CTCFL: variants seen among roughly 807,000 people sequenced by gnomAD.
The protein encoded by CTCFL is transcriptional repressor CTCFL.
A neutral mutation model predicts 67.4 loss-of-function variants in CTCFL; 36 were observed. The ratio of observed to expected loss-of-function variants is 0.53; its 90% CI spans 0.41 to 0.71. The LOEUF (loss-of-function observed/expected upper bound fraction) is 0.71. CTCFL is among the 30% of genes least tolerant of loss of function. CTCFL has a pLI of 0.00. For missense variants in CTCFL, 786 were observed against 835.2 expected (o/e 0.94, Z 0.73); for synonymous variants, 324 against 302.3 (o/e 1.07, Z -0.75).
intron 3 of CTCFL, among the ~76,000 whole-genome samples, chr20:57,520,556 A>G (rs2069276552): frequency 6.6e-6 from 1 of 152,232 alleles, no homozygotes; most frequent in African/African-American, 2.4e-5. Flanking sequence ...TTCTCAGTAA[A>G]AAAGAGAGCT....
At chr20:57,500,684 T>C (rs1225205589) in intron 10 of CTCFL, among the ~76,000 whole-genome samples, 2 of 152,188 alleles carry the variant, frequency 1.3e-5, no homozygotes, top group South Asian at 2.1e-4. Flanking sequence ...AAAGTTTGTA[T>C]ATGTACAATT....
In CTCFL at chr20:57,523,939, A is replaced by G; in HGVS notation, c.267T>C (p.Ser89=). 8.1e-6 allele frequency: 13 copies of G among 1,613,116 alleles called. No homozygotes were observed. Among genetic ancestry groups the G allele is most frequent in the Non-Finnish European group, 1.1e-5 (13 of 1,180,018 alleles). Residue 89 remains serine, a synonymous_variant, in exon 2 of 11, where the codon TCT becomes TCC. Transcript: ENST00000243914. ...ILTLQTVHFT[S]EAVELQDMSL... ...TCATATCCTGCAACTCCACAGCTTC[A>G]GAAGTGAAGTGCACCGTCTGCAGGG...
chr20:57,514,588 T>A lies in CTCFL; in HGVS notation c.1330+4A>T. 6.2e-7 allele frequency: 1 copy of A among 1,614,012 alleles called. No homozygotes were observed. The highest frequency in any genetic ancestry group is 8.5e-7 in the Non-Finnish European group (1 of 1,179,940). ...AGTAAAAGAAAGATCGCTAAACCAC[T>A]CACGTAGGTCGCTTTTCCGTGCAAT... On this transcript the variant is annotated splice_donor_region_variant and intron_variant, in intron 7 of 10. Coordinates refer to ENST00000243914, the MANE Select transcript of CTCFL (RefSeq NM_001386993.1).
intron 10 of CTCFL, among the ~76,000 whole-genome samples, chr20:57,502,839 G>C (rs1344501889): frequency 6.6e-6 from 1 of 152,242 alleles, no homozygotes; most frequent in African/African-American, 2.4e-5. Flanking sequence ...CCCCATAGCT[G>C]ACCTCCTTTT....
chr20:57,518,153 T>G (rs191047419), intron 5 of CTCFL, among the ~76,000 whole-genome samples: 9 of 152,296 alleles, frequency 5.9e-5, no homozygotes, highest in South Asian at 2.1e-4. Context: ...CAGCACACAG[T>G]GAGACCCTGA....
chr20:57,514,454 G>A, intron 7 of CTCFL, 138 bp downstream of exon 7: 1 of 981,952 alleles, frequency 1.0e-6, no homozygotes, highest in Non-Finnish European at 1.5e-6. Flanking sequence ...AGGACTTCTG[G>A]AAGAAAATTC....
At chr20:57,505,045 G>A (rs1432808289) in intron 9 of CTCFL, among the ~76,000 whole-genome samples, 1 of 151,876 alleles carries the variant, frequency 6.6e-6, no homozygotes. Flanking sequence ...TATAACAAGA[G>A]TCGGCTTCCC....
chr20:57,514,515 A>G, intron 7 of CTCFL, 77 bp downstream of exon 7: 8 of 1,544,052 alleles, frequency 5.2e-6, no homozygotes, highest in Non-Finnish European at 7.1e-6. Context: ...CAGGGCCAGT[A>G]CTTTGCAGGT....
chr20:57,501,399 G>A (rs1214587412), intron 10 of CTCFL, among the ~76,000 whole-genome samples: 1 of 149,888 alleles, frequency 6.7e-6, no homozygotes, highest in Non-Finnish European at 1.5e-5. Flanking sequence ...GAGGGTGGGT[G>A]GGGGACATAA....
rs376556913 is a variant in CTCFL, at chr20:57,505,251, AT to A, written c.1675-1651del. Among the ~76,000 whole-genome samples, 194 of 151,460 alleles carry A rather than the reference AT, an allele frequency of 1.3e-3. 3 individuals are homozygous for A. The highest frequency in any genetic ancestry group is 4.3e-3 in the African/African-American group (177 of 41,384). ...AGAAATCAATGAGAAGACAAAATTT[AT>A]TTATTTATTTATTTATTTTTTGAGA... On this transcript the variant is annotated intron_variant, in intron 9 of 10. Coordinates refer to ENST00000243914, the MANE Select transcript of CTCFL (RefSeq NM_001386993.1).
At chr20:57,507,144 C>T (rs911758329) in intron 9 of CTCFL, 35 of 692,474 alleles carry the variant, frequency 5.1e-5, no homozygotes, top group African/African-American at 5.9e-5. Context: ...ATTCCCCACT[C>T]GAGTGTGGGT....
chr20:57,518,633 T>G (rs1411058600), intron 5 of CTCFL, 125 bp downstream of exon 5: 1 of 1,569,740 alleles, frequency 6.4e-7, no homozygotes, highest in Non-Finnish European at 8.7e-7. Flanking sequence ...ATTTCCTGCA[T>G]AAATTTTATA....
Position 57,498,703 on chromosome 20 carries a change from T to C in CTCFL, c.1841-2A>G. The C allele has an allele frequency of 6.2e-7, 1 of 1,609,850 alleles. No individual in the cohort carries two copies. Among genetic ancestry groups the C allele is most frequent in the Non-Finnish European group, 8.5e-7 (1 of 1,178,274 alleles). On this transcript the variant is annotated splice_acceptor_variant, in intron 10 of 10. Transcript: ENST00000243914. LOFTEE classifies it high-confidence loss of function. ...TGGAAGCCTCCTCAGCAGCAGCTTCTTGAGAAAAAGTCCAGGATGAGCAAA... is the reference window on the plus strand; with the variant it reads ...TGGAAGCCTCCTCAGCAGCAGCTTCCTGAGAAAAAGTCCAGGATGAGCAAA...
intron 8 of CTCFL, among the ~76,000 whole-genome samples, chr20:57,512,248 TGGGTGTCAC>T (rs1287198769): frequency 2.0e-5 from 3 of 152,194 alleles, no homozygotes; most frequent in African/African-American, 7.2e-5. Flanking sequence ...CCAATTCCAC[TGGGTGTCAC>T]TGCCTTGATC....
chr20:57,504,971 G>A (rs1193656282), intron 9 of CTCFL, among the ~76,000 whole-genome samples: 1 of 151,862 alleles, frequency 6.6e-6, no homozygotes, highest in Non-Finnish European at 1.5e-5. Flanking sequence ...ATAAACTCCT[G>A]CTGCAAACTG....
chr20:57,508,370 G>A (rs183480907), intron 9 of CTCFL, among the ~76,000 whole-genome samples: 339 of 150,974 alleles, frequency 2.2e-3, no homozygotes, highest in African/African-American at 7.9e-3. Flanking sequence ...AAGATTTTGT[G>A]TGTTGGATTG....
chr20:57,501,753 T>C lies in CTCFL; in HGVS notation c.1840+1683A>G, dbSNP rs563278668. ...CCGGGGCAGCGGGCAGCAGAGCCCA[T>C]CTGCTGGTGCAGAGTCAGTGAGGCC... On this transcript the variant is annotated intron_variant, in intron 10 of 10. Coordinates refer to ENST00000243914, the MANE Select transcript of CTCFL (RefSeq NM_001386993.1). 2.4e-4 allele frequency among the ~76,000 whole-genome samples: 36 copies of C among 152,246 alleles called. 1 individual carries two copies. The highest frequency in any genetic ancestry group is 8.2e-4 in the African/African-American group (34 of 41,550).
intron 10 of CTCFL, among the ~76,000 whole-genome samples, chr20:57,502,390 G>A (rs1214017340): frequency 6.6e-6 from 1 of 152,184 alleles, no homozygotes; most frequent in Non-Finnish European, 1.5e-5. Flanking sequence ...TAGTGCATGG[G>A]ACACATTTAA....
At chr20:57,522,993 T>C in intron 3 of CTCFL, 75 bp downstream of exon 3, 1 of 1,199,802 alleles carries the variant, frequency 8.3e-7, no homozygotes, top group Non-Finnish European at 1.2e-6. Flanking sequence ...AAAACTTCAA[T>C]TACCATCACC....
Sources: allele counts gnomAD v4.1 joint callset (sites outside exome capture counted in the v4.1 genomes callset), GRCh38; gene constraint gnomAD v4.1.1; transcripts MANE v1.5; gene names NCBI Gene and HGNC (gene_info 2026-07-23, HGNC 2026-07-21).